The following ZNF385D variants were observed in gnomAD, a reference collection of about 807,000 sequenced individuals.
ZNF385D encodes the protein zinc finger protein 385D.
In ZNF385D, 15 loss-of-function variants were observed where a neutral mutation model predicts 35.8. The observed-to-expected ratio is 0.42, with a 90% CI of 0.28 to 0.64. ZNF385D has a LOEUF of 0.64. ZNF385D is among the 30% of genes least tolerant of loss of function. ZNF385D has a pLI of 0.23. For synonymous variants in ZNF385D, 212 were observed against 186.8 expected (o/e 1.13, Z -1.10); for missense variants, 474 against 494.6 (o/e 0.96, Z 0.39).
chr3:21,838,813 A>G (rs1431985586), intron 3 of ZNF385D, among the ~76,000 whole-genome samples: 1 of 152,094 alleles, frequency 6.6e-6, no homozygotes, highest in Non-Finnish European at 1.5e-5. Flanking sequence ...CACCAATTTT[A>G]ATAGGTGTCT....
upstream of ZNF385D, among the ~76,000 whole-genome samples, chr3:21,751,984 T>C (rs139208602): frequency 4.5e-3 from 666 of 148,492 alleles, 7 homozygotes; most frequent in African/African-American, 0.016. Flanking sequence ...ACCAATATAA[T>C]ATAGCCACAC....
chr3:22,151,144 A>C (rs1705205675), intron 3 of ZNF385D, among the ~76,000 whole-genome samples: 1 of 152,178 alleles, frequency 6.6e-6, no homozygotes, highest in African/African-American at 2.4e-5. Context: ...AAAGGACATC[A>C]CACATCATTT....
Position 21,958,377 on chromosome 3 carries a change from T to C in ZNF385D, c.325+210440A>G, listed in dbSNP as rs4642151. The stretch of plus-strand genomic sequence containing the variant: ...GTCACAGGAATTTGTGTAAGTTTCA[T>C]ACCTCAAAATCCAGTTATTCATCCT... On this transcript the variant is annotated intron_variant, in intron 3 of 5. Transcript: ENST00000494108. Among the ~76,000 whole-genome samples the C allele has an allele frequency of 5.8e-3, 886 of 152,254 alleles. 21 individuals carry two copies. Among genetic ancestry groups the C allele is most frequent in the Admixed American group, 0.042 (647 of 15,268 alleles).
chr3:22,367,268 G>A (rs1696698191), intron 2 of ZNF385D, among the ~76,000 whole-genome samples: 1 of 152,100 alleles, frequency 6.6e-6, no homozygotes, highest in African/African-American at 2.4e-5. Context: ...GAGGTAAAGA[G>A]AGGTGCAATA....
chr3:21,905,363 G>C lies in ZNF385D; in HGVS notation c.326-240335C>G, dbSNP rs1405996920. Among the ~76,000 whole-genome samples, 5 of 152,006 alleles carry C rather than the reference G, an allele frequency of 3.3e-5. No homozygotes were observed. The East Asian group carries it at 7.7e-4, about 23-fold the overall frequency. ...AGATAAATACTCAGAGATAGCAGCAGACTTTTCTTTTATCACATAAAGGCT... is the reference window on the plus strand; with the variant it reads ...AGATAAATACTCAGAGATAGCAGCACACTTTTCTTTTATCACATAAAGGCT... On this transcript the variant is annotated intron_variant, in intron 3 of 5. Transcript: ENST00000494108.
chr3:21,447,559 T>C (rs1440409511), intron 4 of ZNF385D, among the ~76,000 whole-genome samples: 1 of 152,242 alleles, frequency 6.6e-6, no homozygotes, highest in East Asian at 1.9e-4. Flanking sequence ...CTGTTTAACA[T>C]ATGTAGTAAT....
chr3:21,751,460 G>A (rs545260814), upstream of ZNF385D: 1 of 986,350 alleles, frequency 1.0e-6, no homozygotes, highest in Admixed American at 6.1e-5. Context: ...GTTAAGGCGA[G>A]TTCTGCCATT....
intron 2 of ZNF385D, among the ~76,000 whole-genome samples, chr3:22,369,880 GATT>G (rs1253714942): frequency 2.6e-5 from 4 of 152,214 alleles, no homozygotes; most frequent in African/African-American, 9.6e-5. Context: ...TGAAGTTGGA[GATT>G]ATAAGAAAAT....
chr3:21,461,326 G>C (rs1429777950), intron 4 of ZNF385D, among the ~76,000 whole-genome samples: 2 of 152,084 alleles, frequency 1.3e-5, no homozygotes, highest in Non-Finnish European at 2.9e-5. Flanking sequence ...TGAGGTGGGA[G>C]GATCATGAGG....
chr3:22,160,816 G>C lies in ZNF385D; in HGVS notation c.325+8001C>G, dbSNP rs2125739458. On this transcript the variant is annotated intron_variant, in intron 3 of 5. Coordinates refer to the ZNF385D transcript ENST00000494108. ...TTAACCCAAATATGACAAAGATAGT[G>C]TGAATAAAATAAAGCTGACACGGTA... is the stretch of plus-strand genomic sequence containing the variant. Among the ~76,000 whole-genome samples, 2 of 152,228 alleles carry C rather than the reference G, an allele frequency of 1.3e-5. 1 individual carries two copies. The highest frequency in any genetic ancestry group is 3.9e-4 in the East Asian group (2 of 5,174).
intron 1 of ZNF385D, among the ~76,000 whole-genome samples, chr3:21,705,189 T>C (rs574161711): frequency 6.6e-4 from 100 of 152,312 alleles, no homozygotes; most frequent in African/African-American, 2.3e-3. Flanking sequence ...CCAAATGAAA[T>C]ATCTGCAAGT....
At chr3:21,812,996 T>C (rs1414294255) in intron 3 of ZNF385D, among the ~76,000 whole-genome samples, 1 of 152,164 alleles carries the variant, frequency 6.6e-6, no homozygotes, top group Non-Finnish European at 1.5e-5. Context: ...GAGATGAAGC[T>C]TCCAGAGGAA....
At chr3:21,423,680 G>T (rs1700849289) in intron 7 of ZNF385D, among the ~76,000 whole-genome samples, 1 of 152,046 alleles carries the variant, frequency 6.6e-6, no homozygotes, top group Admixed American at 6.5e-5. Flanking sequence ...CAAATACTTT[G>T]TCTCTTAAAC....
At chr3:22,007,625 G>T (rs896011968) in intron 3 of ZNF385D, among the ~76,000 whole-genome samples, 1 of 152,092 alleles carries the variant, frequency 6.6e-6, no homozygotes, top group Non-Finnish European at 1.5e-5. Context: ...TAGGTATTTC[G>T]TCACAGTTTT....
intron 2 of ZNF385D, among the ~76,000 whole-genome samples, chr3:22,278,024 CCA>C: frequency 6.6e-6 from 1 of 152,144 alleles, no homozygotes; most frequent in Non-Finnish European, 1.5e-5. Flanking sequence ...CTTGCGCTCC[CCA>C]ACACTGTGTA....
intron 3 of ZNF385D, among the ~76,000 whole-genome samples, chr3:21,802,457 TGTAA>T (rs1219651001): frequency 6.6e-6 from 1 of 152,142 alleles, no homozygotes; most frequent in East Asian, 1.9e-4. Flanking sequence ...TAAAGCACTG[TGTAA>T]GTAACAGACA....
At chr3:22,097,866 C>T (rs1437199777) in intron 3 of ZNF385D, among the ~76,000 whole-genome samples, 1 of 151,954 alleles carries the variant, frequency 6.6e-6, no homozygotes, top group Non-Finnish European at 1.5e-5. Flanking sequence ...GTCTTTACGG[C>T]CTTGACAGGA....
At chr3:22,078,091 C>T (rs1700555719) in intron 3 of ZNF385D, among the ~76,000 whole-genome samples, 2 of 151,960 alleles carry the variant, frequency 1.3e-5, no homozygotes, top group South Asian at 4.1e-4. Context: ...TTTAGTTTCC[C>T]CGGATTCCTT....
At chr3:22,008,360 C>CCTTTTTTTTTTT (rs773952386) in intron 3 of ZNF385D, among the ~76,000 whole-genome samples, 2 of 131,950 alleles carry the variant, frequency 1.5e-5, no homozygotes, top group Admixed American at 7.4e-5. Flanking sequence ...CCATGATTTT[C>CCTTTTTTTTTTT]TTTTTTTTTT....
Sources: allele counts gnomAD v4.1 joint callset (sites outside exome capture counted in the v4.1 genomes callset), GRCh38; gene constraint gnomAD v4.1.1; transcripts MANE v1.5; gene names NCBI Gene and HGNC (gene_info 2026-07-23, HGNC 2026-07-21).